SCFD1: variants seen among roughly 807,000 people sequenced by gnomAD.
SCFD1 encodes sec1 family domain containing 1, also known as sec1 family domain-containing protein 1.
Under a neutral mutation model 103.2 loss-of-function variants are expected in SCFD1, and 37 were observed. That is an observed-to-expected ratio of 0.36 (90% CI 0.28 to 0.47). The LOEUF (loss-of-function observed/expected upper bound fraction) is 0.47, where lower values mean the gene tolerates loss of function less well. SCFD1 is among the 20% of genes least tolerant of loss of function. SCFD1 has a pLI of 1.00. For missense variants in SCFD1, 639 were observed against 761.2 expected, an observed-to-expected ratio of 0.84 and a Z score of 1.89; for synonymous variants, 264 against 245.0, an observed-to-expected ratio of 1.08 and a Z score of -0.73.
chr14:30,648,349 A>T (rs229204), intron 7 of SCFD1, among the ~76,000 whole-genome samples: 12,487 of 152,250 alleles, frequency 0.082, 846 homozygotes, highest in African/African-American at 0.18. Context: ...TGACAGTTTG[A>T]GCATATAAAT....
chr14:30,691,709 T>C (rs1408166484), intron 14 of SCFD1, among the ~76,000 whole-genome samples: 2 of 152,156 alleles, frequency 1.3e-5, no homozygotes, highest in African/African-American at 2.4e-5. Context: ...GTTAAAGCAT[T>C]TTTGTCACCT....
In SCFD1 at chr14:30,714,286, G is replaced by A. The variant is rs935951090; in HGVS notation, c.1630-1638G>A. 5.3e-5 allele frequency among the ~76,000 whole-genome samples: 8 copies of A among 151,738 alleles called. No homozygotes were observed. The East Asian group carries it at 9.7e-4, about 18-fold the overall frequency. On this transcript the variant is annotated intron_variant, in intron 19 of 24. Transcript: ENST00000458591. ...GGAGAACGGCGTGAACCCGGGAAGCGGAGCTTGCAGTGAGCCGAGATTGCG... is the reference window on the plus strand; with the variant it reads ...GGAGAACGGCGTGAACCCGGGAAGCAGAGCTTGCAGTGAGCCGAGATTGCG...
chr14:30,635,285 C>T (rs1255511134), intron 4 of SCFD1, among the ~76,000 whole-genome samples: 1 of 152,138 alleles, frequency 6.6e-6, no homozygotes, highest in Admixed American at 6.5e-5. Flanking sequence ...ATACAATTCA[C>T]ACATTTAAGG....
At chr14:30,682,534 G>A (rs1030129503) in intron 14 of SCFD1, among the ~76,000 whole-genome samples, 3 of 152,164 alleles carry the variant, frequency 2.0e-5, no homozygotes, top group African/African-American at 7.2e-5. Flanking sequence ...AAATTAACCA[G>A]CTATTTTGTT....
intron 20 of SCFD1, 114 bp from the exon 21 acceptor site, chr14:30,719,211 G>A: frequency 5.6e-6 from 4 of 708,252 alleles, no homozygotes; most frequent in Non-Finnish European, 9.9e-6. Flanking sequence ...ATTAGGGATG[G>A]TTGTTATACA....
chr14:30,696,746 G>A (rs1252509911), intron 15 of SCFD1, among the ~76,000 whole-genome samples: 1 of 152,176 alleles, frequency 6.6e-6, no homozygotes, highest in Non-Finnish European at 1.5e-5. Context: ...GCCTAGGTGA[G>A]GTGAGACGTA....
At chr14:30,631,798 C>T (rs1181375567) in intron 3 of SCFD1, among the ~76,000 whole-genome samples, 2 of 152,044 alleles carry the variant, frequency 1.3e-5, no homozygotes, top group East Asian at 3.9e-4. Context: ...GTAATCCTAG[C>T]ACTTCTGGAG....
intron 14 of SCFD1, among the ~76,000 whole-genome samples, chr14:30,688,901 C>T (rs1890046442): frequency 1.1e-5 from 1 of 93,566 alleles, no homozygotes; most frequent in Non-Finnish European, 1.8e-5. Context: ...GCAATTTCTT[C>T]CTAGTCTCGA....
At chr14:30,694,548 C>G (rs1890556698) in intron 14 of SCFD1, among the ~76,000 whole-genome samples, 1 of 151,978 alleles carries the variant, frequency 6.6e-6, no homozygotes, top group Non-Finnish European at 1.5e-5. Flanking sequence ...TGTGGTGACA[C>G]ATACCTGTGG....
intron 11 of SCFD1, among the ~76,000 whole-genome samples, chr14:30,672,821 G>T (rs2139214800): frequency 6.6e-6 from 1 of 152,260 alleles, no homozygotes; most frequent in South Asian, 2.1e-4. Context: ...ACTTGCAGGT[G>T]ATATTTTTAA....
At chr14:30,665,748 C>T (rs560113166) in intron 10 of SCFD1, among the ~76,000 whole-genome samples, 4 of 151,866 alleles carry the variant, frequency 2.6e-5, no homozygotes, top group Admixed American at 1.3e-4. Context: ...CAATCCTAGT[C>T]TATGATAAAA....
At chr14:30,623,249 C>T (rs1883044897) in intron 1 of SCFD1, among the ~76,000 whole-genome samples, 2 of 152,136 alleles carry the variant, frequency 1.3e-5, no homozygotes, top group Admixed American at 1.3e-4. Context: ...CAAGAATGTG[C>T]ATACTTGGAA....
At chr14:30,716,054 ATTGAGTTCC>A in intron 20 of SCFD1, 77 bp downstream of exon 20, 1 of 826,372 alleles carries the variant, frequency 1.2e-6, no homozygotes, top group Non-Finnish European at 2.0e-6. Flanking sequence ...ATAAAATCAG[ATTGAGTTCC>A]TTGTGAGCTT....
At chr14:30,638,295 A>G in intron 5 of SCFD1, 48 bp downstream of exon 5, 1 of 1,610,902 alleles carries the variant, frequency 6.2e-7, no homozygotes, top group Non-Finnish European at 8.5e-7. Context: ...GTAAAATTTA[A>G]CACTGTTCTG....
At chr14:30,724,074 A>G (rs776329378) in intron 23 of SCFD1, among the ~76,000 whole-genome samples, 1 of 83,270 alleles carries the variant, frequency 1.2e-5, no homozygotes, top group Non-Finnish European at 3.1e-5. Flanking sequence ...CAGTATCTTA[A>G]AAAAAAAAAA....
In SCFD1 at chr14:30,723,025, T is replaced by A. The variant is rs551912972; in HGVS notation, c.1836+466T>A. Among the ~76,000 whole-genome samples the A allele has an allele frequency of 2.6e-5, 4 of 152,100 alleles. No individual in the cohort carries two copies. In the South Asian group the frequency reaches 8.3e-4, roughly 32 times the overall value. On this transcript the variant is annotated intron_variant, in intron 23 of 24. Coordinates refer to ENST00000458591, the MANE Select transcript of SCFD1 (RefSeq NM_016106.4). ...AGCAAATGAAAGGGAGTGCAGGGAGTAGCAGACAGCTAAGCAAAAAGGAAG... is the reference window on the plus strand; with the variant it reads ...AGCAAATGAAAGGGAGTGCAGGGAGAAGCAGACAGCTAAGCAAAAAGGAAG...
chr14:30,637,598 C>T (rs574372974), intron 4 of SCFD1, among the ~76,000 whole-genome samples: 2 of 152,138 alleles, frequency 1.3e-5, no homozygotes, highest in Non-Finnish European at 1.5e-5. Flanking sequence ...ATGGTTATTT[C>T]GATATCTATT....
At chr14:30,670,694 C>CT (rs1888455850) in intron 11 of SCFD1, among the ~76,000 whole-genome samples, 1 of 152,084 alleles carries the variant, frequency 6.6e-6, no homozygotes. Flanking sequence ...AAGACCATCT[C>CT]TGCCTTTCAT....
chr14:30,718,431 A>G (rs950621277), intron 20 of SCFD1, among the ~76,000 whole-genome samples: 1 of 152,168 alleles, frequency 6.6e-6, no homozygotes, highest in South Asian at 2.1e-4. Flanking sequence ...GCAGACGGAT[A>G]TTTTTTTACT....
Sources: gnomAD v4.1 joint callset for allele counts (sites outside exome capture counted in the v4.1 genomes callset) on GRCh38, gnomAD v4.1.1 for gene constraint, MANE v1.5 for transcripts, NCBI Gene and HGNC (gene_info 2026-07-23, HGNC 2026-07-21) for gene names.